Variants in PCDHA13 observed in about 807,000 individuals in gnomAD.
PCDHA13 encodes protocadherin alpha-13.
PCDHA13 carries 54 observed loss-of-function variants against 64.8 expected under a neutral mutation model. The ratio of observed to expected loss-of-function variants is 0.83; its 90% CI spans 0.67 to 1.04. The LOEUF is 1.04. Among genes scored for constraint, PCDHA13 ranks in the 50% least tolerant of loss-of-function variants. The pLI is 0.00. For missense variants in PCDHA13, 1,248 were observed against 1,254.3 expected, an observed-to-expected ratio of 0.99 and a Z score of 0.08; for synonymous variants, 587 against 564.4, an observed-to-expected ratio of 1.04 and a Z score of -0.57.
intron 1 of PCDHA13, among the ~76,000 whole-genome samples, chr5:140,909,874 T>G (rs778631778): frequency 2.6e-4 from 39 of 152,184 alleles, no homozygotes; most frequent in Admixed American, 5.2e-4. Context: ...CAACGTCAGC[T>G]TAGAGACACT....
intron 1 of PCDHA13, among the ~76,000 whole-genome samples, chr5:140,915,767 C>T (rs1554197085): frequency 6.6e-6 from 1 of 151,976 alleles, no homozygotes; most frequent in Non-Finnish European, 1.5e-5. Context: ...TGGGTCTTGT[C>T]CAAGGCCTGC....
chr5:140,897,178 CA>C (rs1414076017), intron 1 of PCDHA13, among the ~76,000 whole-genome samples: 4 of 151,978 alleles, frequency 2.6e-5, no homozygotes, highest in South Asian at 2.1e-4. Context: ...TCCATGGGTT[CA>C]AAAAATATAT....
intron 1 of PCDHA13, among the ~76,000 whole-genome samples, chr5:140,943,312 A>G (rs1229555554): frequency 1.3e-5 from 2 of 150,890 alleles, no homozygotes; most frequent in African/African-American, 2.4e-5. Context: ...AGTCATTATT[A>G]GCAATATTGT....
intron 3 of PCDHA13, among the ~76,000 whole-genome samples, chr5:140,998,540 T>TA (rs1304307081): frequency 6.6e-6 from 1 of 151,542 alleles, no homozygotes; most frequent in African/African-American, 2.4e-5. Context: ...CCCTAATTCC[T>TA]AATTTAATGT....
chr5:141,005,333 A>T (rs1554260005), intron 3 of PCDHA13, among the ~76,000 whole-genome samples: 1 of 152,224 alleles, frequency 6.6e-6, no homozygotes, highest in Non-Finnish European at 1.5e-5. Flanking sequence ...TAATAGGCCA[A>T]GGGGGTGCTG....
intron 1 of PCDHA13, among the ~76,000 whole-genome samples, chr5:140,918,164 G>T (rs1156404209): frequency 6.6e-6 from 1 of 152,088 alleles, no homozygotes; most frequent in East Asian, 1.9e-4. Context: ...TATTGTAAAT[G>T]GCATTGTGTT....
At chr5:140,888,037 A>T (rs547880007) in intron 1 of PCDHA13, among the ~76,000 whole-genome samples, 8 of 152,186 alleles carry the variant, frequency 5.3e-5, no homozygotes, top group Non-Finnish European at 1.0e-4. Flanking sequence ...ATATTAGTAC[A>T]TGTATAATAG....
rs1554174449 is a variant in PCDHA13 at position 140,882,537 on chromosome 5, TCGACCGCGAGGAGCTGTGTGGGC to T, written c.270_292del (p.Ile90MetfsTer30). The T allele has an allele frequency of 1.2e-6, 2 of 1,614,058 alleles. No individual in the cohort carries two copies. The highest frequency in any genetic ancestry group is 2.7e-5 in the African/African-American group (2 of 74,918). On this transcript the variant is annotated frameshift_variant, in exon 1 of 4. Coordinates refer to ENST00000289272, the MANE Select transcript of PCDHA13 (RefSeq NM_018904.3). LOFTEE classifies it high-confidence loss of function. ...GGCATTTTGTTTGTGAATTCTCGGA[TCGACCGCGAGGAGCTGTGTGGGC>T]GGAGCGCGGAGTGCAGCATCCACCT...
At chr5:141,005,956 A>G (rs1272905916) in intron 3 of PCDHA13, among the ~76,000 whole-genome samples, 2 of 152,020 alleles carry the variant, frequency 1.3e-5, no homozygotes, top group Admixed American at 1.3e-4. Flanking sequence ...CTAACAAACA[A>G]CAATAAAAAA....
intron 2 of PCDHA13, 148 bp from the exon 3 acceptor site, chr5:140,982,327 C>A: frequency 7.0e-7 from 1 of 1,419,146 alleles, no homozygotes; most frequent in South Asian, 1.4e-5. Context: ...AGGGTGACTG[C>A]TCAGCAGTAA....
intron 1 of PCDHA13, 169 bp downstream of exon 1, chr5:140,884,831 A>G (rs918582598): frequency 4.3e-6 from 4 of 939,604 alleles, no homozygotes; most frequent in Non-Finnish European, 6.0e-6. Flanking sequence ...GTGTTGGATT[A>G]TCCTTCAGAG....
intron 3 of PCDHA13, among the ~76,000 whole-genome samples, chr5:141,000,421 ATTTTTTT>A (rs34755515): frequency 5.7e-4 from 16 of 27,976 alleles, no homozygotes; most frequent in Non-Finnish European, 7.4e-4. Flanking sequence ...ATATATATAT[ATTTTTTT>A]TTTTTTTTTT....
At chr5:140,913,970 T>C (rs2076541614) in intron 1 of PCDHA13, among the ~76,000 whole-genome samples, 1 of 152,144 alleles carries the variant, frequency 6.6e-6, no homozygotes. Context: ...TAAAAAAATA[T>C]TTTAGGACTT....
At chr5:140,943,275 AAAG>A (rs1197372058) in intron 1 of PCDHA13, among the ~76,000 whole-genome samples, 86 of 137,844 alleles carry the variant, frequency 6.2e-4, no homozygotes, top group African/African-American at 2.2e-3. Flanking sequence ...AAAAAAAAAA[AAAG>A]AAAGAAAGAA....
At chr5:140,938,333 T>G (rs2092022298) in intron 1 of PCDHA13, among the ~76,000 whole-genome samples, 1 of 152,248 alleles carries the variant, frequency 6.6e-6, no homozygotes, top group Non-Finnish European at 1.5e-5. Context: ...GTAATGTTAA[T>G]GGATAATCTT....
Position 141,009,978 on chromosome 5 carries a change from A to G in PCDHA13, c.*41A>G. On this transcript the variant is annotated 3_prime_UTR_variant, in exon 4 of 4. Coordinates refer to ENST00000289272, the MANE Select transcript of PCDHA13 (RefSeq NM_018904.3). Reference sequence around the variant, plus strand: ...ACAAGCCACTTAGCCAGTTTTTGTAATAATGGCAAATCTCTCCCATGTAGC... The same window carrying G: ...ACAAGCCACTTAGCCAGTTTTTGTAGTAATGGCAAATCTCTCCCATGTAGC... 2 of 1,583,512 alleles carry G rather than the reference A, an allele frequency of 1.3e-6. No homozygotes were observed. Among genetic ancestry groups the G allele is most frequent in the Non-Finnish European group, 1.7e-6 (2 of 1,168,204 alleles).
At chr5:140,938,849 T>C (rs961236945) in intron 1 of PCDHA13, among the ~76,000 whole-genome samples, 1 of 152,102 alleles carries the variant, frequency 6.6e-6, no homozygotes, top group Admixed American at 6.6e-5. Flanking sequence ...CCTGCCCATG[T>C]ACCCCTGAAC....
chr5:141,010,618 G>T lies in PCDHA13; in HGVS notation c.*681G>T. The T allele has an allele frequency of 5.2e-6, 1 of 191,706 alleles. No individual in the cohort carries two copies. The highest frequency in any genetic ancestry group is 1.1e-5 in the Non-Finnish European group (1 of 92,168). 11.9% of individuals were successfully genotyped at this position (191,706 alleles called of 1,614,324 possible). ...TGTGACGTCATTATACCTAAAATCT[G>T]CATCATACCTGCAAGCCAACAGTTC... is the stretch of plus-strand genomic sequence containing the variant. On this transcript the variant is annotated 3_prime_UTR_variant, in exon 4 of 4. Coordinates refer to ENST00000289272, the MANE Select transcript of PCDHA13 (RefSeq NM_018904.3).
chr5:140,883,468 C>A lies in PCDHA13; in HGVS notation c.1200C>A (p.Thr400=). The change falls in exon 1 of 4, where the codon ACC becomes ACA. Residue 400 remains threonine, a synonymous_variant. Coordinates refer to ENST00000289272, the MANE Select transcript of PCDHA13 (RefSeq NM_018904.3). The part of the protein sequence containing the change: ...TPHVPFKLVS[T]YKNYYSLVLD... ...ATGTCCCCTTCAAGCTGGTGTCCACCTACAAGAACTACTACTCATTAGTGC... is the reference window on the plus strand; with the variant it reads ...ATGTCCCCTTCAAGCTGGTGTCCACATACAAGAACTACTACTCATTAGTGC... 1 of 1,614,164 alleles carries A rather than the reference C, an allele frequency of 6.2e-7. No homozygotes were observed. Among genetic ancestry groups the A allele is most frequent in the South Asian group, 1.1e-5 (1 of 91,090 alleles).
Sources: allele counts gnomAD v4.1 joint callset (sites outside exome capture counted in the v4.1 genomes callset), GRCh38; gene constraint gnomAD v4.1.1; transcripts MANE v1.5; gene names NCBI Gene and HGNC (gene_info 2026-07-23, HGNC 2026-07-21).